The following SEZ6L2 variants were observed in gnomAD, a reference collection of about 807,000 sequenced individuals.
The protein encoded by SEZ6L2 is seizure related 6 homolog like 2.
A neutral mutation model predicts 97.0 loss-of-function variants in SEZ6L2; 44 were observed. The ratio of observed to expected loss-of-function variants is 0.45; its 90% CI spans 0.36 to 0.58. The LOEUF is 0.58. SEZ6L2 is among the 20% of genes least tolerant of loss of function. The pLI is 0.00. For synonymous variants in SEZ6L2, 543 were observed against 546.1 expected, an observed-to-expected ratio of 0.99 and a Z score of 0.08; for missense variants, 1,086 against 1,233.3, an observed-to-expected ratio of 0.88 and a Z score of 1.79.
intron 8 of SEZ6L2, among the ~76,000 whole-genome samples, chr16:29,882,812 T>C (rs1476540361): frequency 6.6e-6 from 1 of 151,668 alleles, no homozygotes; most frequent in Non-Finnish European, 1.5e-5. Flanking sequence ...CCCAGGCTGG[T>C]CTCCAACTCC....
intron 7 of SEZ6L2, 87 bp from the exon 8 acceptor site, chr16:29,885,836 G>T: frequency 7.5e-7 from 1 of 1,337,244 alleles, no homozygotes; most frequent in Non-Finnish European, 1.0e-6. Flanking sequence ...TATTTTTATA[G>T]CTGTTATCAT....
Position 29,873,236 on chromosome 16 carries a change from G to C in SEZ6L2, c.2488+4C>G. ...TGCCCCTCCTGCCCTGTCTGGCCAGGCACCTTTGCAGAGTGGGGGCTGGCT... is the reference window on the plus strand; with the variant it reads ...TGCCCCTCCTGCCCTGTCTGGCCAGCCACCTTTGCAGAGTGGGGGCTGGCT... On this transcript the variant is annotated splice_donor_region_variant and intron_variant, in intron 14 of 17. Coordinates refer to ENST00000617533, the MANE Select transcript of SEZ6L2 (RefSeq NM_001243332.2). The surrounding 1 kb of genome is among the most constrained non-coding windows in gnomAD (Gnocchi z 4.3). 1 of 1,613,626 alleles carries C rather than the reference G, an allele frequency of 6.2e-7. No homozygotes were observed. The highest frequency in any genetic ancestry group is 1.1e-5 in the South Asian group (1 of 91,078).
chr16:29,888,176 C>G (rs965195309), intron 6 of SEZ6L2, among the ~76,000 whole-genome samples: 1 of 152,092 alleles, frequency 6.6e-6, no homozygotes, highest in Non-Finnish European at 1.5e-5. Context: ...GAAGACACCA[C>G]GGGATGGGAA....
rs117083730 is a variant in SEZ6L2, at chr16:29,888,883, A to G, written c.854-158T>C. Among the ~76,000 whole-genome samples the G allele has an allele frequency of 8.8e-3, 1,336 of 151,702 alleles. 10 individuals carry two copies. Among genetic ancestry groups the G allele is most frequent in the Non-Finnish European group, 0.012 (797 of 67,906 alleles). ...ATACCGAGAAATAAGAGCTCCTCACACAGGCACCTTGCCTCGCGAACAGGA... is the reference window on the plus strand; with the variant it reads ...ATACCGAGAAATAAGAGCTCCTCACGCAGGCACCTTGCCTCGCGAACAGGA... On this transcript the variant is annotated intron_variant, in intron 5 of 17. Transcript: ENST00000617533.
chr16:29,892,721 C>T lies in SEZ6L2; in HGVS notation c.853+2538G>A, dbSNP rs531419796. Among the ~76,000 whole-genome samples, 4 of 152,354 alleles carry T rather than the reference C, an allele frequency of 2.6e-5. No homozygotes were observed. The South Asian group carries it at 8.3e-4, about 32-fold the overall frequency. On this transcript the variant is annotated intron_variant, in intron 5 of 17. Coordinates refer to ENST00000617533, the MANE Select transcript of SEZ6L2 (RefSeq NM_001243332.2). ...GTGCGTGACACCAGCCAAGGCCATG[C>T]GGTGATGTGAAGGGGGCATTGGCCC... is the stretch of plus-strand genomic sequence containing the variant.
intron 1 of SEZ6L2, among the ~76,000 whole-genome samples, chr16:29,898,702 T>C (rs1407583768): frequency 6.6e-6 from 1 of 152,186 alleles, no homozygotes; most frequent in African/African-American, 2.4e-5. Flanking sequence ...CCCTCCTTCT[T>C]GGATCTAGCC....
At chr16:29,896,758 C>G (rs1257519192) in intron 3 of SEZ6L2, 64 bp downstream of exon 3, 1 of 1,453,420 alleles carries the variant, frequency 6.9e-7, no homozygotes, top group Non-Finnish European at 9.5e-7. Context: ...CAGCCTCTCT[C>G]CCATCCATCC....
chr16:29,895,237 GCAGCACCCT>G lies in SEZ6L2; in HGVS notation c.853+13_853+21del. 1 of 1,504,696 alleles carries G rather than the reference GCAGCACCCT, an allele frequency of 6.6e-7. No homozygotes were observed. 93.2% of individuals were successfully genotyped at this position (1,504,696 alleles called of 1,614,324 possible). On this transcript the variant is annotated intron_variant, in intron 5 of 17. Coordinates refer to ENST00000617533, the MANE Select transcript of SEZ6L2 (RefSeq NM_001243332.2). ...ATGCAGTATGGCCCCTGCCCTTCCA[GCAGCACCCT>G]CAAACTCCTCACCCTGATAGTGGAT...
At chr16:29,883,895 G>A (rs1020935465) in intron 8 of SEZ6L2, among the ~76,000 whole-genome samples, 3 of 151,874 alleles carry the variant, frequency 2.0e-5, no homozygotes, top group Admixed American at 1.3e-4. Flanking sequence ...TCGGGCCACC[G>A]CACTACGGCC....
rs548709576 is a variant in SEZ6L2, at chr16:29,871,461, T to C, written c.*238A>G. The stretch of plus-strand genomic sequence containing the variant: ...TCCCCTCCCAGAATCCAAAAGCCGG[T>C]AGGGCGGGGGGCAGGCCCCTCGTTT... On this transcript the variant is annotated 3_prime_UTR_variant, in exon 18 of 18. Transcript: ENST00000617533. The C allele has an allele frequency of 1.7e-5, 10 of 584,556 alleles. No homozygotes were observed. The highest frequency in any genetic ancestry group is 1.7e-4 in the African/African-American group (9 of 53,642). The allele number at this position is 584,556 out of a possible 1,614,324, so 36.2% of individuals were successfully genotyped here. A position where few individuals can be genotyped will look rare whatever the true frequency, so the allele number is the denominator to read the frequency against.
intron 8 of SEZ6L2, among the ~76,000 whole-genome samples, chr16:29,882,791 T>C (rs373824638): frequency 6.6e-6 from 1 of 152,116 alleles, no homozygotes; most frequent in South Asian, 2.1e-4. Context: ...GACAAAGGTC[T>C]TGCTATGTTG....
intron 6 of SEZ6L2, among the ~76,000 whole-genome samples, chr16:29,888,200 C>T (rs986181708): frequency 2.0e-5 from 3 of 152,120 alleles, no homozygotes; most frequent in Admixed American, 2.0e-4. Flanking sequence ...CAGTAAGAGG[C>T]TCTCTAGGAT....
intron 6 of SEZ6L2, 48 bp downstream of exon 6, chr16:29,888,492 A>G (rs760956446): frequency 2.5e-6 from 4 of 1,583,532 alleles, no homozygotes; most frequent in East Asian, 2.3e-5. Flanking sequence ...GACCCTCCCA[A>G]TGGGGTTCCC....
At chr16:29,891,989 A>C (rs1373805467) in intron 5 of SEZ6L2, among the ~76,000 whole-genome samples, 1 of 152,226 alleles carries the variant, frequency 6.6e-6, no homozygotes, top group African/African-American at 2.4e-5. Context: ...GTCTGGCTGC[A>C]ATAAACGTGC....
At chr16:29,889,941 C>G (rs2068235574) in intron 5 of SEZ6L2, among the ~76,000 whole-genome samples, 2 of 151,942 alleles carry the variant, frequency 1.3e-5, no homozygotes, top group African/African-American at 4.8e-5. Context: ...AGAAGTCTCA[C>G]TCTGTTGCCC....
In SEZ6L2 at chr16:29,879,200, G is replaced by A. The variant is rs548545615; in HGVS notation, c.1573+664C>T. Among the ~76,000 whole-genome samples, 3 of 151,060 alleles carry A rather than the reference G, an allele frequency of 2.0e-5. No individual in the cohort carries two copies. In the South Asian group the frequency reaches 6.3e-4, roughly 32 times the overall value. Reference sequence around the variant, plus strand: ...TTACAGGCGTGAGACACTGCTCCCGGCTTTATCCACCTGTTTCTTTTTTCT... The same window carrying A: ...TTACAGGCGTGAGACACTGCTCCCGACTTTATCCACCTGTTTCTTTTTTCT... On this transcript the variant is annotated intron_variant, in intron 9 of 17. Transcript: ENST00000617533.
chr16:29,887,751 G>C lies in SEZ6L2; in HGVS notation c.1106C>G (p.Ala369Gly). 1 of 1,613,668 alleles carries C rather than the reference G, an allele frequency of 6.2e-7. No individual in the cohort carries two copies. The highest frequency in any genetic ancestry group is 8.5e-7 in the Non-Finnish European group (1 of 1,179,826). Residue 369 changes from alanine (A) to glycine (G), a missense_variant, in exon 7 of 18, where the codon GCC (alanine) becomes GGC (glycine). Ala to Gly is a moderately conservative substitution (Grantham distance 60, BLOSUM62 0). Transcript: ENST00000617533. ...ACGGCAGGTGAGGTTGGGCCCTACG[G>C]CTCCCCCAGGCTCTGGGGACACGAT... The part of the protein sequence containing the change: ...GRIVSPEPGG[A>G]VGPNLTCRWV...
At chr16:29,888,825 C>T (rs1366675019) in intron 5 of SEZ6L2, 100 bp from the exon 6 acceptor site, 1 of 1,066,480 alleles carries the variant, frequency 9.4e-7, no homozygotes, top group Non-Finnish European at 1.3e-6. Context: ...GGCCAACCTT[C>T]CAGGGGCACA....
rs1202784075 is a variant in SEZ6L2, at chr16:29,872,749, G to A, written c.2489-6C>T. ...CAGGAGCTCCTCATAGGCAACTGCAGGGAGAGGAGGGGGAGGGGATGGGGT... is the reference window on the plus strand; with the variant it reads ...CAGGAGCTCCTCATAGGCAACTGCAAGGAGAGGAGGGGGAGGGGATGGGGT... On this transcript the variant is annotated splice_polypyrimidine_tract_variant and splice_region_variant and intron_variant, in intron 14 of 17. Transcript: ENST00000617533. 6.2e-7 allele frequency: 1 copy of A among 1,611,334 alleles called. No homozygotes were observed. Among genetic ancestry groups the A allele is most frequent in the Admixed American group, 1.7e-5 (1 of 59,926 alleles).
Sources: gnomAD v4.1 joint callset for allele counts (sites outside exome capture counted in the v4.1 genomes callset) on GRCh38, gnomAD v4.1.1 for gene constraint, Gnocchi (gnomAD v3.1) non-coding constraint, MANE v1.5 for transcripts, NCBI Gene and HGNC (gene_info 2026-07-23, HGNC 2026-07-21) for gene names.